TRDN: variants seen among roughly 807,000 people sequenced by gnomAD.
TRDN encodes the protein triadin in skeletal muscle.
Under a neutral mutation model 149.7 loss-of-function variants are expected in TRDN, and 161 were observed. The ratio of observed to expected loss-of-function variants is 1.08; its 90% CI spans 0.95 to 1.23. The LOEUF (loss-of-function observed/expected upper bound fraction) is 1.23. Ranked by LOEUF, TRDN falls within the 50% of genes most tolerant of loss-of-function variation. The probability of loss-of-function intolerance (pLI) is 0.00; values close to 1 mark genes in which losing one functional copy is unlikely to be tolerated. For missense variants in TRDN, 896 were observed against 823.5 expected (o/e 1.09, Z -1.08); for synonymous variants, 294 against 250.5 (o/e 1.17, Z -1.64).
intron 5 of TRDN, among the ~76,000 whole-genome samples, chr6:123,519,770 T>C (rs1283607425): frequency 1.3e-5 from 2 of 152,158 alleles, no homozygotes; most frequent in African/African-American, 4.8e-5. Context: ...GCATTATATC[T>C]TTTCATTATT....
chr6:123,243,461 ACAAT>A (rs1776063124), intron 38 of TRDN, among the ~76,000 whole-genome samples: 1 of 152,204 alleles, frequency 6.6e-6, no homozygotes, highest in Non-Finnish European at 1.5e-5. Context: ...TCCCACAAAA[ACAAT>A]CAAAATACTG....
intron 24 of TRDN, among the ~76,000 whole-genome samples, chr6:123,302,226 A>G (rs568056613): frequency 6.6e-6 from 1 of 152,060 alleles, no homozygotes; most frequent in Non-Finnish European, 1.5e-5. Flanking sequence ...GACTCTGGTG[A>G]CTGATGAGTA....
intron 23 of TRDN, among the ~76,000 whole-genome samples, chr6:123,318,827 C>T (rs1779134585): frequency 6.6e-6 from 1 of 152,060 alleles, no homozygotes; most frequent in East Asian, 1.9e-4. Context: ...ACAATACAAC[C>T]AGAACCAACT....
chr6:123,576,610 C>T (rs898164049), intron 1 of TRDN, among the ~76,000 whole-genome samples: 3 of 151,976 alleles, frequency 2.0e-5, no homozygotes, highest in African/African-American at 7.2e-5. Flanking sequence ...TCACTAATTC[C>T]ATTCATGGGC....
At chr6:123,434,776 A>G (rs772679706) in intron 12 of TRDN, among the ~76,000 whole-genome samples, 1 of 151,648 alleles carries the variant, frequency 6.6e-6, no homozygotes, top group East Asian at 1.9e-4. Context: ...TTTTTTTTTA[A>G]TTTTACATAA....
At chr6:123,301,772 T>TATATATATATATAC (rs1417818224) in intron 24 of TRDN, among the ~76,000 whole-genome samples, 74 of 124,752 alleles carry the variant, frequency 5.9e-4, no homozygotes, top group Middle Eastern at 3.9e-3. Context: ...TATATATACA[T>TATATATATATATAC]ATATATATAT....
intron 14 of TRDN, among the ~76,000 whole-genome samples, chr6:123,385,913 AG>A (rs1024177352): frequency 1.3e-5 from 2 of 152,104 alleles, no homozygotes; most frequent in African/African-American, 4.8e-5. Flanking sequence ...AAACCTAAAA[AG>A]CTCACTGGAA....
chr6:123,490,319 C>A (rs553046748), intron 9 of TRDN, among the ~76,000 whole-genome samples: 1 of 152,246 alleles, frequency 6.6e-6, no homozygotes, highest in Non-Finnish European at 1.5e-5. Context: ...AACCGAGATA[C>A]CTAATAAGTG....
rs138767757 is a variant in TRDN, at chr6:123,257,702, T to C, written c.1871-1800A>G. On this transcript the variant is annotated intron_variant, in intron 35 of 40. Coordinates refer to ENST00000334268, the MANE Select transcript of TRDN (RefSeq NM_006073.4). ...AATTAGTAGCTTTATGGAAATAGCATTGAATTTATAAATTACTTTAGGCAG... is the reference window on the plus strand; with the variant it reads ...AATTAGTAGCTTTATGGAAATAGCACTGAATTTATAAATTACTTTAGGCAG... Among the ~76,000 whole-genome samples, 219 of 152,306 alleles carry C rather than the reference T, an allele frequency of 1.4e-3. 2 individuals are homozygous for C. Among genetic ancestry groups the C allele is most frequent in the African/African-American group, 5.0e-3 (207 of 41,572 alleles).
Position 123,218,746 on chromosome 6 carries a change from G to A in TRDN, c.2051-6C>T, listed in dbSNP as rs773799664. The A allele has an allele frequency of 1.9e-6, 3 of 1,561,222 alleles. No individual in the cohort carries two copies. Among genetic ancestry groups the A allele is most frequent in the Non-Finnish European group, 2.6e-6 (3 of 1,150,794 alleles). On this transcript the variant is annotated splice_polypyrimidine_tract_variant and splice_region_variant and intron_variant, in intron 40 of 40. Transcript: ENST00000334268. Reference sequence around the variant, plus strand: ...CTGGAAGAAACTGATGGGACCTAAGGAACAGAGCATGACAGTTTGTTAAAA... The same window carrying A: ...CTGGAAGAAACTGATGGGACCTAAGAAACAGAGCATGACAGTTTGTTAAAA...
chr6:123,384,499 G>T (rs1781835390), intron 14 of TRDN, among the ~76,000 whole-genome samples: 2 of 152,074 alleles, frequency 1.3e-5, no homozygotes, highest in Non-Finnish European at 2.9e-5. Flanking sequence ...ATGAAACATG[G>T]CATATTAGAA....
rs1386354088 is a variant in TRDN at position 123,282,165 on chromosome 6, C to T, written c.1511-3083G>A. On this transcript the variant is annotated intron_variant, in intron 24 of 40. Transcript: ENST00000334268. ...CTGGAGGATGGGAGTGATGCATCTA[C>T]AGGCTCAGCTTCAGAATTTATATAT... Among the ~76,000 whole-genome samples the T allele has an allele frequency of 3.3e-5, 5 of 151,888 alleles. No homozygotes were observed. The South Asian group carries it at 8.3e-4, about 25-fold the overall frequency.
intron 10 of TRDN, among the ~76,000 whole-genome samples, chr6:123,463,701 C>T (rs925234541): frequency 6.6e-5 from 10 of 151,306 alleles, no homozygotes; most frequent in Middle Eastern, 3.2e-3. Context: ...GTCAAATTCT[C>T]TTAAGTCATG....
At chr6:123,245,118 CTG>C (rs1426971601) in intron 38 of TRDN, among the ~76,000 whole-genome samples, 1 of 152,154 alleles carries the variant, frequency 6.6e-6, no homozygotes, top group Admixed American at 6.6e-5. Flanking sequence ...AAAAGAAAAA[CTG>C]TTACCAGTCA....
At chr6:123,615,944 G>T (rs1361847337) in intron 1 of TRDN, among the ~76,000 whole-genome samples, 1 of 152,130 alleles carries the variant, frequency 6.6e-6, no homozygotes, top group Non-Finnish European at 1.5e-5. Context: ...TTGATGTGAT[G>T]AACATGCTAA....
At chr6:123,286,176 T>A (rs532204658) in intron 24 of TRDN, among the ~76,000 whole-genome samples, 2 of 152,264 alleles carry the variant, frequency 1.3e-5, no homozygotes, top group Admixed American at 6.6e-5. Context: ...CCACTGGGTA[T>A]CTATCCAGAG....
chr6:123,278,234 T>C, intron 26 of TRDN, 84 bp downstream of exon 26: 1 of 942,564 alleles, frequency 1.1e-6, no homozygotes, highest in Non-Finnish European at 1.5e-6. Flanking sequence ...ATATTTGTAC[T>C]AGGACATGAC....
In TRDN at chr6:123,528,858, G is replaced by A. The variant is rs75126813; in HGVS notation, c.484+1648C>T. The A allele has an allele frequency of 1.3e-3, 1,346 of 1,023,708 alleles. 58 individuals are homozygous for A. The East Asian group carries it at 0.091, about 69-fold the overall frequency. 63.4% of individuals were successfully genotyped at this position (1,023,708 alleles called of 1,614,324 possible). A position where few individuals can be genotyped will look rare whatever the true frequency, so the allele number is the denominator to read the frequency against. On this transcript the variant is annotated intron_variant, in intron 5 of 40. Transcript: ENST00000334268. ...ATTTCCAGCTCAGTGTGGAGCAACT[G>A]AAGCTCTACTTTCACTTTCTTAAGA...
chr6:123,336,121 T>TA (rs946417924), intron 22 of TRDN, among the ~76,000 whole-genome samples: 37 of 104,120 alleles, frequency 3.6e-4, no homozygotes, highest in Non-Finnish European at 1.5e-4. Context: ...GCCAAATAGA[T>TA]TTTTTTTTGT....
Sources: allele counts gnomAD v4.1 joint callset (sites outside exome capture counted in the v4.1 genomes callset), GRCh38; gene constraint gnomAD v4.1.1; transcripts MANE v1.5; gene names NCBI Gene and HGNC (gene_info 2026-07-23, HGNC 2026-07-21).